The following PHTF2 variants were observed in gnomAD, a reference collection of about 807,000 sequenced individuals.
PHTF2 encodes putative homeodomain transcription factor 2.
PHTF2 carries 60 observed loss-of-function variants against 101.2 expected under a neutral mutation model. The ratio of observed to expected loss-of-function variants is 0.59; its 90% CI spans 0.48 to 0.73. The LOEUF is 0.73. Among genes scored for constraint, PHTF2 ranks in the 30% least tolerant of loss-of-function variants. The pLI is 0.00. For synonymous variants in PHTF2, 311 were observed against 307.3 expected (o/e 1.01, Z -0.13); for missense variants, 747 against 908.7 (o/e 0.82, Z 2.29).
In PHTF2 at chr7:77,889,048, C is replaced by T. The variant is rs144215741; in HGVS notation, c.148-4560C>T. On this transcript the variant is annotated intron_variant, in intron 3 of 19. Coordinates refer to ENST00000416283, the Ensembl canonical transcript of PHTF2. ...GGTAAAATAGTTGGAAAACCTGTCC[C>T]GTTATTTTTTAACTTTGGTAGCACA... Among the ~76,000 whole-genome samples the T allele has an allele frequency of 3.9e-3, 589 of 152,192 alleles. 3 individuals carry two copies. Among genetic ancestry groups the T allele is most frequent in the Admixed American group, 7.8e-3 (120 of 15,292 alleles).
chr7:77,947,161 GCAACAA>G (rs138016145), intron 16 of PHTF2, among the ~76,000 whole-genome samples: 76 of 151,666 alleles, frequency 5.0e-4, no homozygotes, highest in East Asian at 2.3e-3. Context: ...ATTTTCAATA[GCAACAA>G]CAACAACAAC....
At chr7:77,854,510 G>T (rs1797014127) in intron 2 of PHTF2, among the ~76,000 whole-genome samples, 1 of 152,074 alleles carries the variant, frequency 6.6e-6, no homozygotes, top group Admixed American at 6.6e-5. Flanking sequence ...AGTAAATCCA[G>T]CTAGGCTTGC....
intron 15 of PHTF2, among the ~76,000 whole-genome samples, chr7:77,941,337 C>A (rs893444727): frequency 6.6e-6 from 1 of 152,140 alleles, no homozygotes; most frequent in Non-Finnish European, 1.5e-5. Context: ...ATTTAGCTTA[C>A]TTAGTGTCAC....
At chr7:77,954,982 G>A in exon 20 of PHTF2, 1 of 567,096 alleles carries the variant, frequency 1.8e-6, no homozygotes, top group South Asian at 2.7e-5. Flanking sequence ...TCTCAGCTAG[G>A]GAGTTGAAGT....
At chr7:77,847,436 T>C (rs1485508034) in intron 2 of PHTF2, among the ~76,000 whole-genome samples, 1 of 152,240 alleles carries the variant, frequency 6.6e-6, no homozygotes, top group Non-Finnish European at 1.5e-5. Flanking sequence ...TTTACCAGCT[T>C]ATGATATTGA....
chr7:77,834,587 C>T (rs936590029), intron 1 of PHTF2, among the ~76,000 whole-genome samples: 2 of 152,094 alleles, frequency 1.3e-5, no homozygotes, highest in Non-Finnish European at 1.5e-5. Flanking sequence ...TCAGACTGCT[C>T]GGAGCTCTTT....
At chr7:77,929,042 G>GAT in intron 11 of PHTF2, 67 bp from the exon 11 acceptor site, 2 of 1,176,130 alleles carry the variant, frequency 1.7e-6, no homozygotes, top group Admixed American at 3.9e-5. Flanking sequence ...TATGGGTTCT[G>GAT]ATAGTATCCT....
chr7:77,803,606 A>G (rs1309032773), intron 1 of PHTF2, among the ~76,000 whole-genome samples: 1 of 152,122 alleles, frequency 6.6e-6, no homozygotes, highest in African/African-American at 2.4e-5. Flanking sequence ...GAGATAATGT[A>G]TGTAAAGCAC....
intron 3 of PHTF2, among the ~76,000 whole-genome samples, chr7:77,888,682 A>T (rs940114685): frequency 4.6e-5 from 7 of 152,192 alleles, no homozygotes; most frequent in Non-Finnish European, 1.0e-4. Flanking sequence ...TGCCATTTTT[A>T]AAAAAGTAGT....
chr7:77,864,516 A>G (rs1797896932), intron 3 of PHTF2, among the ~76,000 whole-genome samples: 1 of 152,098 alleles, frequency 6.6e-6, no homozygotes, highest in East Asian at 1.9e-4. Flanking sequence ...TCAGCCTTCA[A>G]CTTTTCTTAC....
intron 7 of PHTF2, among the ~76,000 whole-genome samples, chr7:77,907,120 A>C (rs1277719669): frequency 1.3e-5 from 2 of 152,184 alleles, no homozygotes; most frequent in Non-Finnish European, 2.9e-5. Context: ...AAAACATTAA[A>C]GAACTTGATA....
intron 1 of PHTF2, among the ~76,000 whole-genome samples, chr7:77,811,377 C>T (rs1270878237): frequency 6.6e-6 from 1 of 152,172 alleles, no homozygotes; most frequent in African/African-American, 2.4e-5. Flanking sequence ...CTTTTATTCT[C>T]TGTAATTAAT....
intron 3 of PHTF2, among the ~76,000 whole-genome samples, chr7:77,891,940 T>A (rs1329403240): frequency 1.3e-5 from 2 of 152,082 alleles, no homozygotes; most frequent in East Asian, 3.9e-4. Flanking sequence ...AAAAAGAGAA[T>A]AGGATTTACA....
chr7:77,911,855 T>A (rs1474287087), intron 9 of PHTF2, among the ~76,000 whole-genome samples: 3 of 152,076 alleles, frequency 2.0e-5, no homozygotes, highest in Non-Finnish European at 4.4e-5. Context: ...TTTAGTCTTT[T>A]AAAAAAAATG....
At chr7:77,836,857 C>G (rs1043779003) in intron 1 of PHTF2, among the ~76,000 whole-genome samples, 2 of 151,732 alleles carry the variant, frequency 1.3e-5, no homozygotes, top group Non-Finnish European at 2.9e-5. Context: ...AGGAGAAATA[C>G]CTAATGTAGA....
At chr7:77,848,962 T>C (rs1342772709) in intron 2 of PHTF2, among the ~76,000 whole-genome samples, 2 of 152,176 alleles carry the variant, frequency 1.3e-5, no homozygotes, top group African/African-American at 4.8e-5. Context: ...TTGAAGAGAC[T>C]ACTTTCACCA....
chr7:77,918,440 C>A (rs1188052390), intron 9 of PHTF2, among the ~76,000 whole-genome samples: 2 of 152,130 alleles, frequency 1.3e-5, no homozygotes, highest in African/African-American at 2.4e-5. Flanking sequence ...CTAATTTATC[C>A]CCCTTTTCCT....
intron 2 of PHTF2, among the ~76,000 whole-genome samples, chr7:77,846,184 A>G (rs1037008493): frequency 2.0e-5 from 3 of 152,262 alleles, no homozygotes; most frequent in Admixed American, 6.5e-5. Context: ...TAAGGAATTC[A>G]TTCCTCTCCA....
At chr7:77,874,929 A>G (rs925540052) in intron 3 of PHTF2, among the ~76,000 whole-genome samples, 5 of 152,212 alleles carry the variant, frequency 3.3e-5, no homozygotes, top group African/African-American at 1.2e-4. Context: ...TCAGGTGGTT[A>G]TAAATAGGTG....
Sources: gnomAD v4.1 joint callset for allele counts (sites outside exome capture counted in the v4.1 genomes callset) on GRCh38, gnomAD v4.1.1 for gene constraint, MANE v1.5 for transcripts, NCBI Gene and HGNC (gene_info 2026-07-23, HGNC 2026-07-21) for gene names.